QTGAL: variants seen among roughly 807,000 people sequenced by gnomAD.
QTGAL encodes BGnT-like protein 1.
chr17:83,028,320 C>T, the QTGAL span, among the ~76,000 whole-genome samples: 3 of 151,370 alleles, frequency 2.0e-5, no homozygotes, highest in Middle Eastern at 3.2e-3. Flanking sequence ...GTCAGGAGAT[C>T]GAGACCATCC....
chr17:82,949,961 G>A, the QTGAL span: 1 of 152,206 alleles, frequency 6.6e-6, no homozygotes, highest in Admixed American at 6.5e-5. Flanking sequence ...TGGGTACATA[G>A]GGCTGGTTTC....
the QTGAL span, among the ~76,000 whole-genome samples, chr17:83,036,733 T>C: frequency 0.11 from 17,025 of 152,160 alleles, 2,446 homozygotes; most frequent in African/African-American, 0.34. Context: ...TCCTGGGTGC[T>C]GCCCTGTGGG....
At chr17:82,998,060 G>A in the QTGAL span, among the ~76,000 whole-genome samples, 1 of 151,182 alleles carries the variant, frequency 6.6e-6, no homozygotes, top group African/African-American at 2.4e-5. Context: ...ACAACAGGGT[G>A]ACTATAGTCA....
the QTGAL span, among the ~76,000 whole-genome samples, chr17:83,034,546 C>T: frequency 6.6e-6 from 1 of 152,318 alleles, no homozygotes; most frequent in South Asian, 2.1e-4. Flanking sequence ...TGTGTCCCCA[C>T]CCAAATCTCA....
chr17:82,971,251 T>C, the QTGAL span, among the ~76,000 whole-genome samples: 1 of 152,118 alleles, frequency 6.6e-6, no homozygotes, highest in Non-Finnish European at 1.5e-5. Context: ...AACAGCTCAA[T>C]CCATTCTTTA....
At chr17:83,038,885 TGTTTATAGTAGTTTC>T in the QTGAL span, among the ~76,000 whole-genome samples, 5 of 126,704 alleles carry the variant, frequency 3.9e-5, no homozygotes, top group South Asian at 2.5e-4. Context: ...TATTAAAAGA[TGTTTATAGTAGTTTC>T]AAAAACCAAT....
chr17:83,047,277 A>C, the QTGAL span, among the ~76,000 whole-genome samples: 4 of 152,112 alleles, frequency 2.6e-5, no homozygotes, highest in East Asian at 1.9e-4. Context: ...CACTAATCTC[A>C]TTGGTGAGGC....
chr17:82,950,406 G>T, the QTGAL span, among the ~76,000 whole-genome samples: 1 of 152,224 alleles, frequency 6.6e-6, no homozygotes, highest in Non-Finnish European at 1.5e-5. Flanking sequence ...GCTGCTGGAA[G>T]AGCGGCACTG....
At chr17:83,031,996 C>A in the QTGAL span, among the ~76,000 whole-genome samples, 1 of 152,280 alleles carries the variant, frequency 6.6e-6, no homozygotes, top group Non-Finnish European at 1.5e-5. Context: ...CATCTGCAGA[C>A]CTGCTCCTAA....
the QTGAL span, chr17:83,006,246 G>A: frequency 5.1e-6 from 5 of 985,470 alleles, no homozygotes; most frequent in South Asian, 4.7e-5. The surrounding 1 kb of genome is among the most constrained non-coding windows in gnomAD (Gnocchi z 5.8). Context: ...AAGTCACACC[G>A]AGGCATCTGA....
chr17:82,944,752 G>A, the QTGAL span: 5 of 152,356 alleles, frequency 3.3e-5, no homozygotes, highest in East Asian at 7.7e-4. Context: ...CCATGTGAGA[G>A]CAGAGACCTT....
At chr17:82,964,512 C>T in the QTGAL span, among the ~76,000 whole-genome samples, 177 of 147,452 alleles carry the variant, frequency 1.2e-3, no homozygotes, top group African/African-American at 4.2e-3. Context: ...GTGCGTCCCA[C>T]GGGGGATGGG....
At chr17:82,948,957 G>A in the QTGAL span, 1 of 152,278 alleles carries the variant, frequency 6.6e-6, no homozygotes, top group South Asian at 2.1e-4. Flanking sequence ...ATATCACAAT[G>A]GCAAAAATAC....
chr17:82,965,485 C>T, the QTGAL span, among the ~76,000 whole-genome samples: 2 of 152,340 alleles, frequency 1.3e-5, no homozygotes, highest in South Asian at 2.1e-4. Context: ...AAGATGCTGG[C>T]AGGTGCCAGG....
At chr17:83,021,047 T>C in the QTGAL span, among the ~76,000 whole-genome samples, 4 of 152,352 alleles carry the variant, frequency 2.6e-5, no homozygotes, top group East Asian at 5.8e-4. Context: ...GTGCCCTACA[T>C]GAATATTTGC....
chr17:82,963,495 C>A, the QTGAL span, among the ~76,000 whole-genome samples: 1 of 152,156 alleles, frequency 6.6e-6, no homozygotes, highest in African/African-American at 2.4e-5. Context: ...AAAATTCAGC[C>A]TCTCCCTCTA....
chr17:83,008,208 G>A, the QTGAL span, among the ~76,000 whole-genome samples: 1 of 152,204 alleles, frequency 6.6e-6, no homozygotes, highest in Non-Finnish European at 1.5e-5. Flanking sequence ...GTGAATGAGA[G>A]GCCTGTGCGC....
At chr17:83,029,277 C>T in the QTGAL span, among the ~76,000 whole-genome samples, 8 of 152,152 alleles carry the variant, frequency 5.3e-5, no homozygotes, top group African/African-American at 1.7e-4. Flanking sequence ...TGCAACAACG[C>T]GGATGGACCT....
chr17:82,980,895 C>T, the QTGAL span, among the ~76,000 whole-genome samples: 1 of 152,168 alleles, frequency 6.6e-6, no homozygotes, highest in Admixed American at 6.5e-5. Flanking sequence ...AAGTTCCAAC[C>T]CTCTGAGCAC....
Sources: gnomAD v4.1 joint callset for allele counts (sites outside exome capture counted in the v4.1 genomes callset) on GRCh38, gnomAD v4.1.1 for gene constraint, Gnocchi (gnomAD v3.1) non-coding constraint, MANE v1.5 for transcripts, NCBI Gene and HGNC (gene_info 2026-07-23, HGNC 2026-07-21) for gene names.